Variants in BRPF3 observed in about 807,000 individuals in gnomAD.
The protein encoded by BRPF3 is bromodomain and PHD finger containing 3.
A neutral mutation model predicts 102.0 loss-of-function variants in BRPF3; 18 were observed. That is an observed-to-expected ratio of 0.18 (90% CI 0.12 to 0.26). The LOEUF (loss-of-function observed/expected upper bound fraction) is 0.26, where lower values mean the gene tolerates loss of function less well. Among genes scored for constraint, BRPF3 ranks in the 10% least tolerant of loss-of-function variants. BRPF3 has a pLI of 1.00. For missense variants in BRPF3, 1,147 were observed against 1,567.8 expected (o/e 0.73, Z 4.53); for synonymous variants, 570 against 614.2 (o/e 0.93, Z 1.06).
At chr6:36,222,134 T>C in intron 9 of BRPF3, 34 bp from the exon 10 acceptor site, 1 of 1,544,434 alleles carries the variant, frequency 6.5e-7, no homozygotes, top group Non-Finnish European at 8.8e-7. Context: ...TTGAAATTGC[T>C]CATTTCACCC....
At chr6:36,209,187 C>A (rs996404079) in intron 4 of BRPF3, among the ~76,000 whole-genome samples, 2 of 151,998 alleles carry the variant, frequency 1.3e-5, no homozygotes, top group Non-Finnish European at 2.9e-5. Context: ...CCTTGGTGAT[C>A]CTTGTTCTGA....
intron 10 of BRPF3, 126 bp downstream of exon 10, chr6:36,222,391 C>A: frequency 2.6e-6 from 2 of 783,690 alleles, no homozygotes; most frequent in Non-Finnish European, 4.1e-6. Context: ...AACTCTTGGG[C>A]CCTTGGGCAG....
In BRPF3 at chr6:36,209,284, G is replaced by T. The variant is rs1181684691; in HGVS notation, c.1738-503G>T. On this transcript the variant is annotated intron_variant, in intron 4 of 12. Transcript: ENST00000357641. The stretch of plus-strand genomic sequence containing the variant: ...GGTAATACAAGTACAGAGTTAGTGT[G>T]GCATAATGGCCAAGAGCACTCACTG... Among the ~76,000 whole-genome samples the T allele has an allele frequency of 5.9e-5, 9 of 152,180 alleles. 1 individual carries two copies. The highest frequency in any genetic ancestry group is 1.9e-4 in the African/African-American group (8 of 41,444).
chr6:36,200,890 C>A lies in BRPF3; in HGVS notation c.568C>A (p.Arg190=), dbSNP rs909824197. 2 of 1,614,138 alleles carry A rather than the reference C, an allele frequency of 1.2e-6. No homozygotes were observed. Among genetic ancestry groups the A allele is most frequent in the Non-Finnish European group, 1.7e-6 (2 of 1,180,012 alleles). ...SADTFELLVD[R]LEKESYLESR... Reference sequence around the variant, plus strand: ...AGATACCTTTGAGCTGCTGGTAGACCGGCTTGAGAAAGAGTCATACTTGGA... The same window carrying A: ...AGATACCTTTGAGCTGCTGGTAGACAGGCTTGAGAAAGAGTCATACTTGGA... The change falls in exon 2 of 13, where the codon CGG becomes AGG. Residue 190 remains arginine, a synonymous_variant. Transcript: ENST00000357641. This position sits in a 1 kb window ranked among gnomAD's most constrained non-coding sequence, Gnocchi z 5.3.
In BRPF3 at chr6:36,226,906, A is replaced by G. The variant is rs111601181; in HGVS notation, c.3279+1542A>G. On this transcript the variant is annotated intron_variant, in intron 11 of 12. Coordinates refer to ENST00000357641, the MANE Select transcript of BRPF3 (RefSeq NM_015695.3). ...GGCTCTCTGCCCTGCCAGCGGTGAA[A>G]CCGCAGGACTCCCAGCTCAGTCATT... 5.9e-3 allele frequency among the ~76,000 whole-genome samples: 899 copies of G among 152,324 alleles called. 2 individuals are homozygous for G. The highest frequency in any genetic ancestry group is 0.019 in the African/African-American group (769 of 41,566).
intron 10 of BRPF3, among the ~76,000 whole-genome samples, chr6:36,222,775 C>A (rs188546422): frequency 1.6e-4 from 24 of 152,310 alleles, no homozygotes; most frequent in Non-Finnish European, 3.2e-4. Flanking sequence ...TTTGCTTAGC[C>A]AGTCCTCTAA....
In BRPF3 at chr6:36,201,303, C is replaced by T; in HGVS notation, c.981C>T (p.Ile327=). The part of the protein sequence containing the change: ...PPARWKLTCY[I]CKQKGLGAAI... ...CCCGCTGGAAACTAACCTGCTATAT[C>T]TGCAAGCAGAAAGGGCTAGGTGCAG... is the stretch of plus-strand genomic sequence containing the variant. Residue 327 remains isoleucine, a synonymous_variant, in exon 2 of 13, where the codon ATC becomes ATT. Coordinates refer to ENST00000357641, the MANE Select transcript of BRPF3 (RefSeq NM_015695.3). This position sits in a 1 kb window ranked among gnomAD's most constrained non-coding sequence, Gnocchi z 5.1. 6.2e-7 allele frequency: 1 copy of T among 1,614,198 alleles called. No individual in the cohort carries two copies. The highest frequency in any genetic ancestry group is 8.5e-7 in the Non-Finnish European group (1 of 1,180,022).
chr6:36,227,138 C>A (rs1241948024), intron 11 of BRPF3, among the ~76,000 whole-genome samples: 1 of 152,126 alleles, frequency 6.6e-6, no homozygotes, highest in African/African-American at 2.4e-5. Context: ...TTTTCCTATG[C>A]ATTCTTCAGT....
At chr6:36,209,652 C>T in intron 4 of BRPF3, 135 bp from the exon 5 acceptor site, 3 of 1,103,518 alleles carry the variant, frequency 2.7e-6, no homozygotes, top group Non-Finnish European at 3.8e-6. Flanking sequence ...GTGATAGCTT[C>T]TCATATACTG....
chr6:36,201,669 G>C lies in BRPF3; in HGVS notation c.1347G>C (p.Lys449Asn), dbSNP rs963400328. 1 of 1,614,228 alleles carries C rather than the reference G, an allele frequency of 6.2e-7. No homozygotes were observed. Among genetic ancestry groups the C allele is most frequent in the Non-Finnish European group, 8.5e-7 (1 of 1,180,032 alleles). The change falls in exon 2 of 13, where the codon AAG (lysine) becomes AAC (asparagine). Residue 449 changes from lysine (K) to asparagine (N), a missense_variant. By Grantham distance (94) the Lys-to-Asn change is moderately conservative. Coordinates refer to ENST00000357641, the MANE Select transcript of BRPF3 (RefSeq NM_015695.3). This position sits in a 1 kb window ranked among gnomAD's most constrained non-coding sequence, Gnocchi z 5.1. ...TCAAGGGAGTGCCCAAGAAAAGCAA[G>C]ATGAGTTTGAAGCAGAAGATCAAGA... ...GSLKGVPKKS[K>N]MSLKQKIKKE...
intron 12 of BRPF3, 112 bp downstream of exon 12, chr6:36,229,168 C>T: frequency 1.5e-6 from 2 of 1,358,984 alleles, no homozygotes; most frequent in Admixed American, 2.3e-5. Context: ...TTACCCTGGT[C>T]TCCACTTGCC....
Position 36,213,924 on chromosome 6 carries a change from C to T in BRPF3, c.2527C>T (p.Pro843Ser). ...TCCGCCAACCCTGGAGCCCACTGGG[C>T]CTGCACCTTCCTTGTCTGAGCAAGA... is the stretch of plus-strand genomic sequence containing the variant. ...PPPPTLEPTGPAPSLSEQESP... is the reference protein window; with the variant it reads ...PPPPTLEPTGSAPSLSEQESP... Residue 843 changes from proline (P) to serine (S), a missense_variant, in exon 8 of 13, where the codon CCT (proline) becomes TCT (serine). Coordinates refer to ENST00000357641, the MANE Select transcript of BRPF3 (RefSeq NM_015695.3). The T allele has an allele frequency of 6.2e-7, 1 of 1,613,920 alleles. No individual in the cohort carries two copies. The highest frequency in any genetic ancestry group is 2.2e-5 in the East Asian group (1 of 44,880).
At position 36,210,574 on chromosome 6, in the gene BRPF3, A is replaced by C. The variant is rs1768068513; in HGVS notation, c.2179+46A>C. Reference sequence around the variant, plus strand: ...GGGAGGAGAGGGGCCAGGAGGAGGCACAGGAACAGAGTCTACAGAGTGAGG... The same window carrying C: ...GGGAGGAGAGGGGCCAGGAGGAGGCCCAGGAACAGAGTCTACAGAGTGAGG... On this transcript the variant is annotated intron_variant, in intron 6 of 12. Transcript: ENST00000357641. The surrounding 1 kb of genome is among the most constrained non-coding windows in gnomAD (Gnocchi z 4.7). 1 of 1,530,378 alleles carries C rather than the reference A, an allele frequency of 6.5e-7. No homozygotes were observed. The highest frequency in any genetic ancestry group is 1.9e-5 in the Admixed American group (1 of 53,328). The allele number at this position is 1,530,378 out of a possible 1,614,324, so 94.8% of individuals were successfully genotyped here.
At chr6:36,197,734 G>T in intron 1 of BRPF3, 1 of 152,218 alleles carries the variant, frequency 6.6e-6, no homozygotes, top group Non-Finnish European at 1.5e-5. Flanking sequence ...AGAAACTCCC[G>T]CCAAAAAACT....
At chr6:36,202,861 G>C (rs1378356411) in intron 2 of BRPF3, among the ~76,000 whole-genome samples, 1 of 152,212 alleles carries the variant, frequency 6.6e-6, no homozygotes, top group African/African-American at 2.4e-5. Flanking sequence ...TTGATGAGAA[G>C]GGTAGAGAGA....
rs1768958519 is a variant in BRPF3, at chr6:36,232,141, C to G, written c.*1532C>G. The G allele has an allele frequency of 6.6e-6, 1 of 152,602 alleles. No homozygotes were observed. The highest frequency in any genetic ancestry group is 1.5e-5 in the Non-Finnish European group (1 of 68,028). The allele number at this position is 152,602 out of a possible 1,614,324, so 9.5% of individuals were successfully genotyped here. A position where few individuals can be genotyped will look rare whatever the true frequency, so the allele number is the denominator to read the frequency against. ...AGTTTAAAAGGGAACCAACAAAACA[C>G]TATAACTTAAAAGGATGGGGTTTTG... On this transcript the variant is annotated 3_prime_UTR_variant, in exon 13 of 13. Coordinates refer to ENST00000357641, the MANE Select transcript of BRPF3 (RefSeq NM_015695.3).
At chr6:36,218,963 A>T (rs1561831126) in intron 9 of BRPF3, among the ~76,000 whole-genome samples, 1 of 152,138 alleles carries the variant, frequency 6.6e-6, no homozygotes, top group Non-Finnish European at 1.5e-5. Context: ...GGACTCTTAG[A>T]AATGAGAAAC....
chr6:36,208,275 C>G, intron 4 of BRPF3, among the ~76,000 whole-genome samples: 1 of 152,100 alleles, frequency 6.6e-6, no homozygotes, highest in East Asian at 1.9e-4. Flanking sequence ...GATGAAAAGC[C>G]AAAACTGTTC....
In BRPF3 at chr6:36,210,069, G is replaced by A; in HGVS notation, c.1867-147G>A. 7.2e-7 allele frequency: 1 copy of A among 1,392,584 alleles called. No individual in the cohort carries two copies. Among genetic ancestry groups the A allele is most frequent in the Non-Finnish European group, 1.0e-6 (1 of 1,004,536 alleles). 86.3% of individuals were successfully genotyped at this position (1,392,584 alleles called of 1,614,324 possible). On this transcript the variant is annotated intron_variant, in intron 5 of 12. Coordinates refer to ENST00000357641, the MANE Select transcript of BRPF3 (RefSeq NM_015695.3). The surrounding 1 kb of genome is among the most constrained non-coding windows in gnomAD (Gnocchi z 4.7). ...TAGACTTGCCCTTGATGAGGGGTCA[G>A]CAGGCCAGGGTGGGCCAGGACTGTA...
Sources: allele counts gnomAD v4.1 joint callset (sites outside exome capture counted in the v4.1 genomes callset), GRCh38; gene constraint gnomAD v4.1.1; non-coding constraint Gnocchi (gnomAD v3.1); transcripts MANE v1.5; gene names NCBI Gene and HGNC (gene_info 2026-07-23, HGNC 2026-07-21).